Variants in BLTP1 observed in about 807,000 individuals in gnomAD.
The protein encoded by BLTP1 is fragile site-associated protein.
At chr4:122,354,960 C>G in the BLTP1 span, among the ~76,000 whole-genome samples, 4 of 151,980 alleles carry the variant, frequency 2.6e-5, no homozygotes, top group Non-Finnish European at 4.4e-5. Flanking sequence ...CCACCATGCA[C>G]AGCCAAAAAT....
the BLTP1 span, among the ~76,000 whole-genome samples, chr4:122,360,475 A>G: frequency 6.6e-6 from 1 of 152,180 alleles, no homozygotes; most frequent in Admixed American, 6.6e-5. Flanking sequence ...GAATCCTGAA[A>G]TAACACTATT....
the BLTP1 span, chr4:122,298,213 T>A: frequency 2.2e-6 from 2 of 922,276 alleles, no homozygotes; most frequent in South Asian, 1.0e-4. Flanking sequence ...GACAGCTAAC[T>A]TTCAAAATCA....
chr4:122,269,837 C>T, the BLTP1 span, among the ~76,000 whole-genome samples: 7 of 152,004 alleles, frequency 4.6e-5, no homozygotes, highest in South Asian at 2.1e-4. Context: ...AGTAGCTGCA[C>T]GTATCAGGGA....
the BLTP1 span, chr4:122,304,917 T>G: frequency 6.2e-7 from 1 of 1,614,002 alleles, no homozygotes; most frequent in Non-Finnish European, 8.5e-7. Flanking sequence ...GTAGCAGCTA[T>G]CTGAAACTGT....
At chr4:122,197,163 G>A in the BLTP1 span, 1 of 897,344 alleles carries the variant, frequency 1.1e-6, no homozygotes, top group East Asian at 2.8e-5. Flanking sequence ...TATAATTAAT[G>A]TTTTATATGA....
chr4:122,226,305 T>A, the BLTP1 span: 1 of 678,782 alleles, frequency 1.5e-6, no homozygotes, highest in Non-Finnish European at 1.8e-6. Context: ...TGTAGCTCAA[T>A]GTGATATTTA....
the BLTP1 span, among the ~76,000 whole-genome samples, chr4:122,310,110 T>C: frequency 2.2e-4 from 33 of 152,164 alleles, no homozygotes; most frequent in Admixed American, 2.0e-4. Context: ...GAACTAAAAT[T>C]CCTCAATCTT....
chr4:122,247,724 G>C, the BLTP1 span: 1 of 1,018,742 alleles, frequency 9.8e-7, no homozygotes, highest in South Asian at 3.8e-5. Flanking sequence ...GTAAAACAGT[G>C]TTAGAAAGAA....
chr4:122,191,748 CT>C, the BLTP1 span, among the ~76,000 whole-genome samples: 2 of 152,188 alleles, frequency 1.3e-5, no homozygotes, highest in African/African-American at 4.8e-5. Context: ...CCTCCCTTTT[CT>C]ATCTACATAT....
At chr4:122,178,291 A>T in the BLTP1 span, 3 of 292,932 alleles carry the variant, frequency 1.0e-5, no homozygotes, top group South Asian at 2.7e-4. Flanking sequence ...TACATAAGCA[A>T]TAGTTTACTA....
At chr4:122,344,773 C>G in the BLTP1 span, 2 of 981,962 alleles carry the variant, frequency 2.0e-6, no homozygotes, top group Non-Finnish European at 2.4e-6. Context: ...ACATATCACC[C>G]AAGGGCCAAG....
the BLTP1 span, chr4:122,298,106 T>C: frequency 1.5e-6 from 1 of 684,696 alleles, no homozygotes; most frequent in Non-Finnish European, 1.8e-6. Context: ...GATACATAGA[T>C]AGATCATAAT....
At chr4:122,214,838 C>T in the BLTP1 span, among the ~76,000 whole-genome samples, 1 of 151,914 alleles carries the variant, frequency 6.6e-6, no homozygotes, top group Non-Finnish European at 1.5e-5. Flanking sequence ...TCTCGAACTC[C>T]TAGGCTCAAG....
chr4:122,161,213 C>G, the BLTP1 span: 1 of 681,796 alleles, frequency 1.5e-6, no homozygotes. Context: ...TGGCTTAGGT[C>G]CAAAGATTGT....
At chr4:122,207,514 C>CTTTTTTT in the BLTP1 span, 412 of 1,286,796 alleles carry the variant, frequency 3.2e-4, no homozygotes, top group South Asian at 1.3e-3. Flanking sequence ...ACTTTTTCTT[C>CTTTTTTT]TTTTTTTTTT....
the BLTP1 span, chr4:122,307,806 A>C: frequency 3.3e-5 from 49 of 1,464,664 alleles, no homozygotes; most frequent in Non-Finnish European, 4.3e-5. Context: ...GTCCTCTTAG[A>C]TCTTTCCTAA....
At chr4:122,228,827 A>G in the BLTP1 span, among the ~76,000 whole-genome samples, 1 of 152,150 alleles carries the variant, frequency 6.6e-6, no homozygotes, top group Non-Finnish European at 1.5e-5. Flanking sequence ...TACTTTGCTT[A>G]TCCTCTCTAG....
At chr4:122,312,152 C>T in the BLTP1 span, among the ~76,000 whole-genome samples, 1 of 152,154 alleles carries the variant, frequency 6.6e-6, no homozygotes, top group African/African-American at 2.4e-5. Flanking sequence ...CCTCCCGCCT[C>T]AGCCCCCCAA....
At chr4:122,316,639 G>A in the BLTP1 span, 1 of 1,483,980 alleles carries the variant, frequency 6.7e-7, no homozygotes, top group Non-Finnish European at 9.2e-7. Context: ...TTTGATTCTT[G>A]CATGCTTTGA....
Sources: gnomAD v4.1 joint callset for allele counts (sites outside exome capture counted in the v4.1 genomes callset) on GRCh38, gnomAD v4.1.1 for gene constraint, MANE v1.5 for transcripts, NCBI Gene and HGNC (gene_info 2026-07-23, HGNC 2026-07-21) for gene names.